The following EGF variants were observed in gnomAD, a reference collection of about 807,000 sequenced individuals.
EGF encodes pro-epidermal growth factor.
In EGF, 95 loss-of-function variants were observed where a neutral mutation model predicts 143.8. The observed-to-expected ratio is 0.66, with a 90% CI of 0.56 to 0.78. The LOEUF is 0.78. Among genes scored for constraint, EGF ranks in the 30% least tolerant of loss-of-function variants. The pLI, the probability that EGF is intolerant of heterozygous loss-of-function variation, is 0.00. For synonymous variants in EGF, 510 were observed against 510.5 expected, an observed-to-expected ratio of 1.00 and a Z score of 0.01; for missense variants, 1,320 against 1,470.9, an observed-to-expected ratio of 0.90 and a Z score of 1.68.
intron 11 of EGF, among the ~76,000 whole-genome samples, chr4:109,972,536 G>A (rs935074834): frequency 6.6e-6 from 1 of 152,122 alleles, no homozygotes; most frequent in Non-Finnish European, 1.5e-5. Flanking sequence ...CTCCCACCAA[G>A]GGAAGAGGCA....
chr4:109,994,600 G>A (rs1227044356), intron 19 of EGF, 133 bp from the exon 20 acceptor site: 3 of 1,041,670 alleles, frequency 2.9e-6, no homozygotes, highest in Non-Finnish European at 4.4e-6. Flanking sequence ...TGAAACTATT[G>A]TCCCTTCTAG....
intron 13 of EGF, among the ~76,000 whole-genome samples, chr4:109,977,821 C>T (rs529207460): frequency 1.4e-4 from 21 of 152,158 alleles, no homozygotes; most frequent in Admixed American, 9.8e-4. Context: ...GCCTGGGTGA[C>T]GGAGTGAAAC....
intron 21 of EGF, 137 bp downstream of exon 21, chr4:109,999,983 G>A: frequency 7.6e-7 from 1 of 1,319,144 alleles, no homozygotes; most frequent in Non-Finnish European, 1.1e-6. Flanking sequence ...TGGGTGCAGT[G>A]ACCCATGCCT....
At chr4:109,999,913 C>G in intron 21 of EGF, 67 bp downstream of exon 21, 1 of 1,602,656 alleles carries the variant, frequency 6.2e-7, no homozygotes, top group South Asian at 1.1e-5. Flanking sequence ...TGCCTGTCTC[C>G]TTGAGATGAG....
chr4:109,994,669 A>G, intron 19 of EGF, 64 bp from the exon 20 acceptor site: 3 of 1,561,254 alleles, frequency 1.9e-6, no homozygotes, highest in Middle Eastern at 1.7e-4. Context: ...CTAGTTCCTC[A>G]TATTGATACT....
In EGF at chr4:109,947,787, T is replaced by A. The variant is rs78637716; in HGVS notation, c.940+2512T>A. Reference sequence around the variant, plus strand: ...ATCATAACCCTCTCTTACATTTATATGTAACCTCAGAATTTTCAAAGTGTT... The same window carrying A: ...ATCATAACCCTCTCTTACATTTATAAGTAACCTCAGAATTTTCAAAGTGTT... On this transcript the variant is annotated intron_variant, in intron 5 of 23. Coordinates refer to ENST00000265171, the MANE Select transcript of EGF (RefSeq NM_001963.6). 4.7e-3 allele frequency among the ~76,000 whole-genome samples: 718 copies of A among 152,352 alleles called. 5 individuals carry two copies. The highest frequency in any genetic ancestry group is 0.017 in the African/African-American group (697 of 41,590).
At position 110,004,493 on chromosome 4, in the gene EGF, G is replaced by A. The variant is rs753549791; in HGVS notation, c.3174-12G>A. 1.9e-6 allele frequency: 3 copies of A among 1,612,956 alleles called. No individual in the cohort carries two copies. Among genetic ancestry groups the A allele is most frequent in the South Asian group, 2.2e-5 (2 of 91,052 alleles). ...TGTTGTGAGATTGTCTCAAATTTTGGCTTTATCACAGGACTCAGAAGCTGC... is the reference window on the plus strand; with the variant it reads ...TGTTGTGAGATTGTCTCAAATTTTGACTTTATCACAGGACTCAGAAGCTGC... On this transcript the variant is annotated splice_polypyrimidine_tract_variant and intron_variant, in intron 21 of 23. Transcript: ENST00000265171.
chr4:109,961,223 G>T (rs1432589040), intron 7 of EGF, among the ~76,000 whole-genome samples: 1 of 152,054 alleles, frequency 6.6e-6, no homozygotes, highest in South Asian at 2.1e-4. Flanking sequence ...AGGCATGTTG[G>T]CCCATGCCAG....
intron 5 of EGF, among the ~76,000 whole-genome samples, chr4:109,950,991 C>T (rs992573981): frequency 2.6e-5 from 4 of 151,814 alleles, no homozygotes; most frequent in African/African-American, 9.7e-5. Context: ...AATGCCTAAA[C>T]GACTTTAAGA....
intron 1 of EGF, among the ~76,000 whole-genome samples, chr4:109,914,289 C>T (rs1736215651): frequency 2.0e-5 from 3 of 152,152 alleles, no homozygotes; most frequent in Admixed American, 2.0e-4. Flanking sequence ...TTATAGCTGC[C>T]CCGACATTCC....
At chr4:110,008,309 TAACCACACACACACACACA>T in intron 23 of EGF, 79 bp downstream of exon 23, 7 of 1,496,472 alleles carry the variant, frequency 4.7e-6, no homozygotes, top group Non-Finnish European at 6.5e-6. Flanking sequence ...AAGTCTCATT[TAACCACACACACACACACA>T]AACAAAATAA....
chr4:109,974,710 C>A lies in EGF; in HGVS notation c.1732C>A (p.Leu578Met). 6.2e-7 allele frequency: 1 copy of A among 1,612,348 alleles called. No individual in the cohort carries two copies. Among genetic ancestry groups the A allele is most frequent in the Non-Finnish European group, 8.5e-7 (1 of 1,178,590 alleles). The change falls in exon 12 of 24, where the codon CTG becomes ATG. Residue 578 changes from leucine to methionine, a missense_variant. Around this residue, in one of 5 missense-constraint regions of EGF, gnomAD observed 1,186 missense variants for 1,313.7 expected, o/e 0.90. Coordinates refer to ENST00000265171, the MANE Select transcript of EGF (RefSeq NM_001963.6). Reference sequence around the variant, plus strand: ...ATTTTGCACATATTTTAGGAAATCTCTGATTGGAAGGAGTGATTTAAATGG... The same window carrying A: ...ATTTTGCACATATTTTAGGAAATCTATGATTGGAAGGAGTGATTTAAATGG... ...RFYWTDRGKS[L>M]IGRSDLNGKR... is the part of the protein sequence containing the mutation.
intron 1 of EGF, 71 bp downstream of exon 1, chr4:109,913,533 G>T (rs901786710): frequency 6.3e-7 from 1 of 1,580,006 alleles, no homozygotes; most frequent in African/African-American, 1.4e-5. Context: ...GGTTCAATCT[G>T]GTATACTTGG....
chr4:109,936,907 G>C (rs1295337352), intron 1 of EGF, among the ~76,000 whole-genome samples: 1 of 152,148 alleles, frequency 6.6e-6, no homozygotes, highest in Non-Finnish European at 1.5e-5. Flanking sequence ...CTGAGAGACT[G>C]TTACAATTTC....
intron 23 of EGF, among the ~76,000 whole-genome samples, chr4:110,010,066 C>A (rs1753810484): frequency 6.6e-6 from 1 of 152,102 alleles, no homozygotes; most frequent in Non-Finnish European, 1.5e-5. Context: ...TGAGACCAGC[C>A]TGTCTCTATG....
chr4:109,920,255 A>T (rs1383667891), intron 1 of EGF, among the ~76,000 whole-genome samples: 1 of 151,746 alleles, frequency 6.6e-6, no homozygotes, highest in Non-Finnish European at 1.5e-5. Context: ...TCCAATGTAA[A>T]TTGCCTGATC....
intron 1 of EGF, among the ~76,000 whole-genome samples, chr4:109,938,169 T>G (rs1257756368): frequency 6.6e-6 from 1 of 152,226 alleles, no homozygotes; most frequent in Non-Finnish European, 1.5e-5. Context: ...GTAGATTTGG[T>G]CTTTTCACAT....
chr4:109,937,281 A>G (rs1386458222), intron 1 of EGF, among the ~76,000 whole-genome samples: 4 of 150,664 alleles, frequency 2.7e-5, no homozygotes, highest in Non-Finnish European at 5.9e-5. Flanking sequence ...CTTTACCATT[A>G]TGTAATGGTC....
chr4:109,997,649 A>G (rs1252874215), intron 20 of EGF, among the ~76,000 whole-genome samples: 6 of 152,150 alleles, frequency 3.9e-5, no homozygotes, highest in African/African-American at 1.4e-4. Context: ...ATGGGGTTTC[A>G]CCGTGTTAGC....
Sources: allele counts gnomAD v4.1 joint callset (sites outside exome capture counted in the v4.1 genomes callset), GRCh38; gene constraint gnomAD v4.1.1; regional missense constraint gnomAD v4.1.1; transcripts MANE v1.5; gene names NCBI Gene and HGNC (gene_info 2026-07-23, HGNC 2026-07-21).